GABBR1: variants seen among roughly 807,000 people sequenced by gnomAD.
GABBR1 encodes the protein gamma-aminobutyric acid type B receptor subunit 1.
GABBR1 carries 35 observed loss-of-function variants against 117.7 expected under a neutral mutation model. The observed-to-expected ratio is 0.30, with a 90% CI of 0.23 to 0.39. The LOEUF is 0.39. Ranked by LOEUF, GABBR1 falls within the 10% of genes least tolerant of loss-of-function variation. GABBR1 has a pLI of 1.00. For missense variants in GABBR1, 709 were observed against 1,241.8 expected (o/e 0.57, Z 6.45); for synonymous variants, 442 against 486.6 (o/e 0.91, Z 1.21).
intron 6 of GABBR1, among the ~76,000 whole-genome samples, chr6:29,625,752 T>C (rs913826604): frequency 2.0e-5 from 3 of 152,178 alleles, no homozygotes; most frequent in Non-Finnish European, 4.4e-5. Context: ...TGGATGAGTT[T>C]GAGCTCACAG....
chr6:29,621,313 C>A lies in GABBR1; in HGVS notation c.1132-21G>T. On this transcript the variant is annotated intron_variant, in intron 10 of 22. Transcript: ENST00000377034. The surrounding 1 kb of genome is among the most constrained non-coding windows in gnomAD (Gnocchi z 5.0). ...TACACCTGAATACAGAGGAGAATGG[C>A]TGAGTTTTTGTTTGCTCATTTGTTT... 6.3e-7 allele frequency: 1 copy of A among 1,599,486 alleles called. No homozygotes were observed. Among genetic ancestry groups the A allele is most frequent in the Non-Finnish European group, 8.5e-7 (1 of 1,171,682 alleles).
chr6:29,631,727 TG>T lies in GABBR1; in HGVS notation c.86-129del. On this transcript the variant is annotated intron_variant, in intron 2 of 22. Coordinates refer to ENST00000377034, the MANE Select transcript of GABBR1 (RefSeq NM_001470.4). The surrounding 1 kb of genome is among the most constrained non-coding windows in gnomAD (Gnocchi z 5.9). ...CAGGCTGGGGACAGAGGAAGAGGGATGGGGCACTAGAGGGTGGGAGTGGGGA... is the reference window on the plus strand; with the variant it reads ...CAGGCTGGGGACAGAGGAAGAGGGATGGGCACTAGAGGGTGGGAGTGGGGA... 1.3e-6 allele frequency: 1 copy of T among 749,472 alleles called. No individual in the cohort carries two copies. The highest frequency in any genetic ancestry group is 1.6e-5 in the South Asian group (1 of 62,160). 46.4% of individuals were successfully genotyped at this position (749,472 alleles called of 1,614,324 possible).
Position 29,630,386 on chromosome 6 carries a change from T to C in GABBR1, c.475+72A>G. The C allele has an allele frequency of 7.5e-7, 1 of 1,338,764 alleles. No homozygotes were observed. The highest frequency in any genetic ancestry group is 1.1e-6 in the Non-Finnish European group (1 of 944,406). The allele number at this position is 1,338,764 out of a possible 1,614,324, so 82.9% of individuals were successfully genotyped here. A position where few individuals can be genotyped will look rare whatever the true frequency, so the allele number is the denominator to read the frequency against. ...TATAGCTCTCCATTCTTTCCCATTA[T>C]CCATTCCCACCCCACTCCCATCCTC... is the stretch of plus-strand genomic sequence containing the variant. On this transcript the variant is annotated intron_variant, in intron 4 of 22. Coordinates refer to ENST00000377034, the MANE Select transcript of GABBR1 (RefSeq NM_001470.4). This position sits in a 1 kb window ranked among gnomAD's most constrained non-coding sequence, Gnocchi z 4.9.
In GABBR1 at chr6:29,621,636, A is replaced by C; in HGVS notation, c.1131+116T>G. The C allele has an allele frequency of 1.2e-6, 1 of 869,018 alleles. No homozygotes were observed. The highest frequency in any genetic ancestry group is 1.9e-6 in the Non-Finnish European group (1 of 522,360). 53.8% of individuals were successfully genotyped at this position (869,018 alleles called of 1,614,324 possible). On this transcript the variant is annotated intron_variant, in intron 10 of 22. Coordinates refer to ENST00000377034, the MANE Select transcript of GABBR1 (RefSeq NM_001470.4). This position sits in a 1 kb window ranked among gnomAD's most constrained non-coding sequence, Gnocchi z 5.0. ...GCCAACAGACAGAGACATCCTATGAATCGTCACCTCAGATCATATGCTATC... is the reference window on the plus strand; with the variant it reads ...GCCAACAGACAGAGACATCCTATGACTCGTCACCTCAGATCATATGCTATC...
chr6:29,610,350 G>C (rs1019630391), intron 14 of GABBR1, among the ~76,000 whole-genome samples: 2 of 152,138 alleles, frequency 1.3e-5, no homozygotes, highest in Admixed American at 1.3e-4. Context: ...CACTGTTCGG[G>C]TGACAGGCAC....
intron 14 of GABBR1, 79 bp downstream of exon 14, chr6:29,610,845 C>T (rs1176757695): frequency 1.6e-6 from 2 of 1,228,818 alleles, no homozygotes; most frequent in African/African-American, 1.5e-5. Flanking sequence ...CTCTACCATT[C>T]CATCCTCACT....
chr6:29,604,895 A>G lies in GABBR1; in HGVS notation c.2533T>C (p.Ser845Pro). ...AFASLAIVFS[S>P]YITLVVLFVP... ...AAGAGCACAACAAGAGTGATATAGG[A>G]GGAGAAAACTATGGCAAGAGAGGCA... Residue 845 changes from serine (S) to proline (P), a missense_variant, in exon 21 of 23, where the codon TCC (serine) becomes CCC (proline). Coordinates refer to ENST00000377034, the MANE Select transcript of GABBR1 (RefSeq NM_001470.4). This position sits in a 1 kb window ranked among gnomAD's most constrained non-coding sequence, Gnocchi z 5.3. 1 of 1,613,132 alleles carries G rather than the reference A, an allele frequency of 6.2e-7. No homozygotes were observed. Among genetic ancestry groups the G allele is most frequent in the Non-Finnish European group, 8.5e-7 (1 of 1,179,986 alleles).
rs78342839 is a variant in GABBR1, at chr6:29,632,289, A to G, written c.85+12T>C. The stretch of plus-strand genomic sequence containing the variant: ...GCGAAGGAGGGCCGGAGGTCGTCGA[A>G]GAAGGATGCACCTTCTGAGGTGGCG... On this transcript the variant is annotated intron_variant, in intron 2 of 22. Transcript: ENST00000377034. The surrounding 1 kb of genome is among the most constrained non-coding windows in gnomAD (Gnocchi z 5.8). 19 of 1,377,376 alleles carry G rather than the reference A, an allele frequency of 1.4e-5. No individual in the cohort carries two copies. The highest frequency in any genetic ancestry group is 1.8e-5 in the Non-Finnish European group (19 of 1,060,216). The allele number at this position is 1,377,376 out of a possible 1,614,324, so 85.3% of individuals were successfully genotyped here.
rs1048827993 is a variant in GABBR1 at position 29,607,573 on chromosome 6, G to A, written c.1993-355C>T. On this transcript the variant is annotated intron_variant, in intron 16 of 22. Transcript: ENST00000377034. The surrounding 1 kb of genome is among the most constrained non-coding windows in gnomAD (Gnocchi z 5.0). ...CTTCACAACATGCTCCCATCCACCT[G>A]TCCAGCTAGGCTCATCTCCCAGCCC... Among the ~76,000 whole-genome samples the A allele has an allele frequency of 6.6e-6, 1 of 152,048 alleles. No individual in the cohort carries two copies. The highest frequency in any genetic ancestry group is 1.5e-5 in the Non-Finnish European group (1 of 68,012).
chr6:29,627,666 G>A lies in GABBR1; in HGVS notation c.497-20C>T, dbSNP rs754727781. 1.9e-6 allele frequency: 3 copies of A among 1,539,328 alleles called. No homozygotes were observed. The highest frequency in any genetic ancestry group is 1.2e-5 in the South Asian group (1 of 84,138). On this transcript the variant is annotated intron_variant, in intron 5 of 22. Coordinates refer to ENST00000377034, the MANE Select transcript of GABBR1 (RefSeq NM_001470.4). The surrounding 1 kb of genome is among the most constrained non-coding windows in gnomAD (Gnocchi z 4.4). ...GCCGTTCTGAGGAGGGGTGCGGGGG[G>A]ACCCGCGAGTGAGGCCGCGGGAGAT...
Position 29,607,106 on chromosome 6 carries a change from C to A in GABBR1, c.2105G>T (p.Arg702Met), listed in dbSNP as rs756505704. The A allele has an allele frequency of 6.2e-7, 1 of 1,613,668 alleles. No homozygotes were observed. The highest frequency in any genetic ancestry group is 1.7e-5 in the Admixed American group (1 of 60,026). ...FTKKEEKKEW[R>M]KTLEPWKLYA... ...GAGGATTGGGCAGCAGCTCACCTTC[C>A]TCCACTCCTTCTTTTCTTCCTTCTT... Residue 702 changes from arginine (R) to methionine (M), a missense_variant, in exon 17 of 23, where the codon AGG becomes ATG. Arg to Met is a moderately conservative substitution (Grantham distance 91). Coordinates refer to ENST00000377034, the MANE Select transcript of GABBR1 (RefSeq NM_001470.4). The surrounding 1 kb of genome is among the most constrained non-coding windows in gnomAD (Gnocchi z 5.0).
chr6:29,605,852 C>G lies in GABBR1; in HGVS notation c.2312-156G>C, dbSNP rs1028234677. The G allele has an allele frequency of 8.5e-6, 7 of 827,736 alleles. No homozygotes were observed. The African/African-American group carries it at 1.2e-4, about 14-fold the overall frequency. 51.3% of individuals were successfully genotyped at this position (827,736 alleles called of 1,614,324 possible). ...ACCTAGCAAACCTCACCCTGTGTCC[C>G]CTATCCCTTATGTCCACCCAACTTG... is the stretch of plus-strand genomic sequence containing the variant. On this transcript the variant is annotated intron_variant, in intron 19 of 22. Coordinates refer to ENST00000377034, the MANE Select transcript of GABBR1 (RefSeq NM_001470.4). This position sits in a 1 kb window ranked among gnomAD's most constrained non-coding sequence, Gnocchi z 4.2.
At chr6:29,610,083 A>G (rs1330534926) in intron 14 of GABBR1, among the ~76,000 whole-genome samples, 7 of 149,060 alleles carry the variant, frequency 4.7e-5, no homozygotes, top group Non-Finnish European at 1.0e-4. Flanking sequence ...AAAAAAAAAA[A>G]AGGGCAAAAC....
Position 29,632,337 on chromosome 6 carries a change from C to T in GABBR1, c.49G>A (p.Ala17Thr). Residue 17 changes from alanine to threonine, a missense_variant, in exon 2 of 23, where the codon GCG becomes ACG. Ala to Thr is a moderately conservative substitution (Grantham distance 58). Around this residue, in one of 9 missense-constraint regions of GABBR1, gnomAD observed 43 missense variants for 42.8 expected, o/e 1.00. Transcript: ENST00000377034. The surrounding 1 kb of genome is among the most constrained non-coding windows in gnomAD (Gnocchi z 5.8). ...LAPLFLRPPGAGGAQTPNATS... is the reference protein window; with the variant it reads ...LAPLFLRPPGTGGAQTPNATS... ...GCGTTGGGGGTCTGCGCCCCGCCCG[C>T]GCCCGGGGGGCGGAGGAAGAGTGGC... The T allele has an allele frequency of 4.4e-6, 6 of 1,368,324 alleles. No homozygotes were observed. Among genetic ancestry groups the T allele is most frequent in the Non-Finnish European group, 5.7e-6 (6 of 1,057,162 alleles). The allele number at this position is 1,368,324 out of a possible 1,614,324, so 84.8% of individuals were successfully genotyped here. A position where few individuals can be genotyped will look rare whatever the true frequency, so the allele number is the denominator to read the frequency against.
intron 11 of GABBR1, among the ~76,000 whole-genome samples, chr6:29,618,122 G>C (rs760012607): frequency 2.9e-4 from 44 of 152,138 alleles, no homozygotes; most frequent in Admixed American, 1.5e-3. Context: ...TAGCAGCTAG[G>C]CTAATACTTT....
Position 29,605,097 on chromosome 6 carries a change from T to G in GABBR1, c.2440-109A>C. 1 of 1,204,184 alleles carries G rather than the reference T, an allele frequency of 8.3e-7. No individual in the cohort carries two copies. The highest frequency in any genetic ancestry group is 2.5e-5 in the East Asian group (1 of 40,164). 74.6% of individuals were successfully genotyped at this position (1,204,184 alleles called of 1,614,324 possible). On this transcript the variant is annotated intron_variant, in intron 20 of 22. Transcript: ENST00000377034. This position sits in a 1 kb window ranked among gnomAD's most constrained non-coding sequence, Gnocchi z 4.2. ...ATGCAGACAGTTTCCTGGTGAACTTTCCCTTTGAAAAGGATCCAAATTCAG... is the reference window on the plus strand; with the variant it reads ...ATGCAGACAGTTTCCTGGTGAACTTGCCCTTTGAAAAGGATCCAAATTCAG...
rs1763841563 is a variant in GABBR1, at chr6:29,622,351, C to T, written c.964-146G>A. The T allele has an allele frequency of 1.6e-6, 1 of 639,598 alleles. No homozygotes were observed. Among genetic ancestry groups the T allele is most frequent in the Non-Finnish European group, 2.8e-6 (1 of 357,322 alleles). The allele number at this position is 639,598 out of a possible 1,614,324, so 39.6% of individuals were successfully genotyped here. A position where few individuals can be genotyped will look rare whatever the true frequency, so the allele number is the denominator to read the frequency against. On this transcript the variant is annotated intron_variant, in intron 8 of 22. Coordinates refer to ENST00000377034, the MANE Select transcript of GABBR1 (RefSeq NM_001470.4). The surrounding 1 kb of genome is among the most constrained non-coding windows in gnomAD (Gnocchi z 4.6). ...AACCTTCCTTCAACAGCTTCTGTCC[C>T]TGAAGTGAGGAGTTCGGGAAGGCAT... is the stretch of plus-strand genomic sequence containing the variant.
Position 29,631,543 on chromosome 6 carries a change from G to A in GABBR1, c.142C>T (p.Arg48Trp). The change falls in exon 3 of 23, where the codon CGG becomes TGG. Residue 48 changes from arginine (R) to tryptophan (W), a missense_variant. This residue lies in a region of GABBR1 where 101 missense variants were observed against 132.3 expected (regional missense o/e 0.76). Coordinates refer to ENST00000377034, the MANE Select transcript of GABBR1 (RefSeq NM_001470.4). The surrounding 1 kb of genome is among the most constrained non-coding windows in gnomAD (Gnocchi z 5.9). ...AAGTTGATAGCCTTCACCTGGTCCC[G>A]AGTCAGGCCCCGGTACCTGATGCCC... is the stretch of plus-strand genomic sequence containing the variant. Reference protein sequence around the residue: ...EGGIRYRGLTRDQVKAINFLP... With the variant: ...EGGIRYRGLTWDQVKAINFLP... The A allele has an allele frequency of 6.2e-7, 1 of 1,614,200 alleles. No individual in the cohort carries two copies. Among genetic ancestry groups the A allele is most frequent in the Middle Eastern group, 1.6e-4 (1 of 6,062 alleles).
chr6:29,630,189 A>T lies in GABBR1; in HGVS notation c.475+269T>A. ...GAGAGAGGTGAGATTCATAAAGGAA[A>T]AGAGAAAACGTGAGGTCTAAGAATC... On this transcript the variant is annotated intron_variant, in intron 4 of 22. Coordinates refer to ENST00000377034, the MANE Select transcript of GABBR1 (RefSeq NM_001470.4). This position sits in a 1 kb window ranked among gnomAD's most constrained non-coding sequence, Gnocchi z 4.9. The T allele has an allele frequency of 2.4e-6, 1 of 419,294 alleles. No homozygotes were observed. Among genetic ancestry groups the T allele is most frequent in the South Asian group, 7.8e-5 (1 of 12,800 alleles). The allele number at this position is 419,294 out of a possible 1,614,324, so 26.0% of individuals were successfully genotyped here.
Sources: gnomAD v4.1 joint callset for allele counts (sites outside exome capture counted in the v4.1 genomes callset) on GRCh38, gnomAD v4.1.1 for gene constraint, gnomAD v4.1.1 regional missense constraint, Gnocchi (gnomAD v3.1) non-coding constraint, MANE v1.5 for transcripts, NCBI Gene and HGNC (gene_info 2026-07-23, HGNC 2026-07-21) for gene names.